ZYG11A: variants seen among roughly 807,000 people sequenced by gnomAD.
ZYG11A encodes protein zyg-11 homolog A.
In ZYG11A, 62 loss-of-function variants were observed where a neutral mutation model predicts 77.2. The observed-to-expected ratio is 0.80, with a 90% CI of 0.65 to 0.99. ZYG11A has a LOEUF of 0.99. ZYG11A is among the 50% of genes least tolerant of loss of function. The pLI, the probability that ZYG11A is intolerant of heterozygous loss-of-function variation, is 0.00. For synonymous variants in ZYG11A, 315 were observed against 324.6 expected, an observed-to-expected ratio of 0.97 and a Z score of 0.32; for missense variants, 828 against 896.8, an observed-to-expected ratio of 0.92 and a Z score of 0.98.
chr1:52,869,517 C>G (rs1208168556), intron 8 of ZYG11A, among the ~76,000 whole-genome samples: 1 of 151,628 alleles, frequency 6.6e-6, no homozygotes, highest in Non-Finnish European at 1.5e-5. Context: ...TCCATTTAAC[C>G]CTGAGTGGAC....
chr1:52,870,050 T>TGATCCC (rs1646123225), intron 8 of ZYG11A, among the ~76,000 whole-genome samples: 1 of 133,180 alleles, frequency 7.5e-6, no homozygotes, highest in South Asian at 2.6e-4. Flanking sequence ...GCAGAGACGC[T>TGATCCC]CCTCACCTCC....
intron 4 of ZYG11A, among the ~76,000 whole-genome samples, chr1:52,862,215 CAAAAA>C (rs150477301): frequency 6.8e-6 from 1 of 147,248 alleles, no homozygotes; most frequent in Non-Finnish European, 1.5e-5. Context: ...TCTCAAAAAA[CAAAAA>C]AAAAGTTAGG....
chr1:52,859,523 G>T (rs910313866), intron 3 of ZYG11A, among the ~76,000 whole-genome samples: 1 of 151,200 alleles, frequency 6.6e-6, no homozygotes, highest in Admixed American at 6.6e-5. Context: ...TTTTAGTAGA[G>T]ATGGTGTTTC....
At chr1:52,869,980 C>T (rs566001168) in intron 8 of ZYG11A, among the ~76,000 whole-genome samples, 3 of 151,286 alleles carry the variant, frequency 2.0e-5, no homozygotes, top group Admixed American at 6.6e-5. Context: ...CCCCACCCCC[C>T]TCCCGGGCGG....
chr1:52,883,940 C>CACG (rs1646403202), intron 11 of ZYG11A, among the ~76,000 whole-genome samples: 1 of 151,614 alleles, frequency 6.6e-6, no homozygotes, highest in African/African-American at 2.4e-5. Context: ...AGTGCAATGG[C>CACG]ATGATCATAG....
At chr1:52,873,939 G>C (rs866723854) in intron 8 of ZYG11A, among the ~76,000 whole-genome samples, 14 of 151,612 alleles carry the variant, frequency 9.2e-5, no homozygotes, top group Non-Finnish European at 1.9e-4. Flanking sequence ...AGCCGAGATC[G>C]CGCCACTGCA....
chr1:52,856,572 A>G (rs1645816947), intron 2 of ZYG11A, among the ~76,000 whole-genome samples: 1 of 152,116 alleles, frequency 6.6e-6, no homozygotes, highest in Non-Finnish European at 1.5e-5. Flanking sequence ...AATATTATCT[A>G]CTAATTTGGT....
intron 10 of ZYG11A, among the ~76,000 whole-genome samples, chr1:52,880,334 A>C (rs903194342): frequency 6.6e-6 from 1 of 151,950 alleles, no homozygotes; most frequent in Non-Finnish European, 1.5e-5. Flanking sequence ...TGCTTTCCTG[A>C]ATGGTTCATC....
At chr1:52,880,066 C>CTTT (rs10682296) in intron 10 of ZYG11A, among the ~76,000 whole-genome samples, 5,285 of 109,964 alleles carry the variant, frequency 0.048, 329 homozygotes, top group African/African-American at 0.094. Flanking sequence ...ACCCAGCCCA[C>CTTT]TTTTTTTTTT....
intron 3 of ZYG11A, 104 bp downstream of exon 3, chr1:52,857,853 T>C: frequency 1.0e-6 from 1 of 969,428 alleles, no homozygotes; most frequent in South Asian, 2.5e-5. Context: ...CAGAGACAGA[T>C]AAAAAAATCC....
At chr1:52,850,478 C>T (rs1351006436) in intron 1 of ZYG11A, among the ~76,000 whole-genome samples, 1 of 151,986 alleles carries the variant, frequency 6.6e-6, no homozygotes, top group African/African-American at 2.4e-5. Flanking sequence ...GCCACTACAC[C>T]CGGCCAATTT....
chr1:52,892,691 G>A (rs1646566479), intron 13 of ZYG11A, 91 bp from the exon 14 acceptor site: 2 of 1,131,356 alleles, frequency 1.8e-6, no homozygotes, highest in Non-Finnish European at 2.5e-6. Flanking sequence ...TTAAACCTTT[G>A]TATTGTTTCT....
At chr1:52,877,233 C>T (rs1040970468) in intron 8 of ZYG11A, among the ~76,000 whole-genome samples, 1 of 152,154 alleles carries the variant, frequency 6.6e-6, no homozygotes. Context: ...CTTCCCTCTC[C>T]TACCCTTCCT....
rs924375517 is a variant in ZYG11A at position 52,857,030 on chromosome 1, C to A, written c.289C>A (p.Arg97=). ...GACTGACAGAACAGCCAGCATTTTC[C>A]GAGGCAACCAAATGAAACTGAAGCT... The part of the protein sequence containing the change: ...KLTDRTASIF[R]GNQMKLKLVN... Residue 97 remains arginine (R), a synonymous_variant, in exon 3 of 14, where the codon CGA becomes AGA. Coordinates refer to ENST00000371528, the MANE Select transcript of ZYG11A (RefSeq NM_001004339.3). 6.5e-7 allele frequency: 1 copy of A among 1,544,682 alleles called. No homozygotes were observed.
At chr1:52,886,736 G>A (rs191467229) in intron 12 of ZYG11A, among the ~76,000 whole-genome samples, 1 of 119,638 alleles carries the variant, frequency 8.4e-6, no homozygotes, top group Non-Finnish European at 1.7e-5. Flanking sequence ...TTGTAGAGAC[G>A]GGGGCTCACC....
chr1:52,866,304 T>A (rs1293236022), intron 5 of ZYG11A, among the ~76,000 whole-genome samples, 199 bp from the exon 6 acceptor site: 2 of 152,136 alleles, frequency 1.3e-5, no homozygotes, highest in African/African-American at 4.8e-5. Flanking sequence ...ACCTTATTTT[T>A]AAAGTTGGAA....
intron 1 of ZYG11A, 124 bp downstream of exon 1, chr1:52,843,097 G>C: frequency 2.5e-6 from 2 of 788,108 alleles, no homozygotes; most frequent in Admixed American, 8.5e-5. Context: ...GCGGGGCTGC[G>C]GTCTAGATGC....
intron 1 of ZYG11A, among the ~76,000 whole-genome samples, chr1:52,847,867 TA>T (rs1179242698): frequency 0.036 from 3,073 of 85,738 alleles, 129 homozygotes; most frequent in African/African-American, 0.13. Context: ...TTTATTTATT[TA>T]TTTATTTATT....
intron 13 of ZYG11A, among the ~76,000 whole-genome samples, chr1:52,889,678 T>G (rs1646507284): frequency 6.6e-6 from 1 of 152,002 alleles, no homozygotes; most frequent in South Asian, 2.1e-4. Flanking sequence ...TGTTACTATT[T>G]TACAGTCAAG....
Sources: gnomAD v4.1 joint callset for allele counts (sites outside exome capture counted in the v4.1 genomes callset) on GRCh38, gnomAD v4.1.1 for gene constraint, MANE v1.5 for transcripts, NCBI Gene and HGNC (gene_info 2026-07-23, HGNC 2026-07-21) for gene names.